CDH1: variants seen among roughly 807,000 people sequenced by gnomAD.
The protein encoded by CDH1 is cadherin 1.
CDH1 carries 35 observed loss-of-function variants against 84.5 expected under a neutral mutation model. That is an observed-to-expected ratio of 0.41 (90% CI 0.32 to 0.55). The LOEUF (loss-of-function observed/expected upper bound fraction) is 0.55. CDH1 is among the 20% of genes least tolerant of loss of function. The pLI, the probability that CDH1 is intolerant of heterozygous loss-of-function variation, is 0.19. For missense variants in CDH1, 994 were observed against 1,126.6 expected, an observed-to-expected ratio of 0.88 and a Z score of 1.68; for synonymous variants, 417 against 439.0, an observed-to-expected ratio of 0.95 and a Z score of 0.63.
chr16:68,817,049 G>T (rs540004626), intron 10 of CDH1, among the ~76,000 whole-genome samples: 1 of 152,278 alleles, frequency 6.6e-6, no homozygotes, highest in Non-Finnish European at 1.5e-5. Context: ...AGGCCCTTAC[G>T]CCTGGAACAA....
At chr16:68,766,742 T>C (rs1367613520) in intron 2 of CDH1, among the ~76,000 whole-genome samples, 1 of 151,508 alleles carries the variant, frequency 6.6e-6, no homozygotes, top group Admixed American at 6.6e-5. Flanking sequence ...AACCCCCTTT[T>C]TTTTTGAGAC....
chr16:68,829,060 C>T (rs1165467186), intron 14 of CDH1, among the ~76,000 whole-genome samples: 2 of 152,186 alleles, frequency 1.3e-5, no homozygotes, highest in African/African-American at 2.4e-5. Flanking sequence ...CGGCACACAA[C>T]ATGCGTATCT....
Position 68,738,326 on chromosome 16 carries a change from G to T in CDH1, c.78G>T (p.Glu26Asp). The T allele has an allele frequency of 6.4e-7, 1 of 1,550,778 alleles. No homozygotes were observed. The highest frequency in any genetic ancestry group is 1.2e-5 in the South Asian group (1 of 84,012). ...CCTCTTGGCTCTGCCAGGAGCCGGA[G>T]CCCTGCCACCCTGGCTTTGACGCCG... ...QVSSWLCQEP[E>D]PCHPGFDAES... Residue 26 changes from glutamate to aspartate, a missense_variant, in exon 2 of 16, where the codon GAG becomes GAT. Transcript: ENST00000261769.
In CDH1 at chr16:68,834,930, G is replaced by T; in HGVS notation, c.*1431G>T. On this transcript the variant is annotated 3_prime_UTR_variant, in exon 16 of 16. Coordinates refer to ENST00000261769, the MANE Select transcript of CDH1 (RefSeq NM_004360.5). ...CTGATGCTGAGGATGATTGAGGTGG[G>T]TCTACCTCATCTCTGAAAATTCTGG... The T allele has an allele frequency of 4.3e-6, 1 of 232,418 alleles. No individual in the cohort carries two copies. The highest frequency in any genetic ancestry group is 8.5e-6 in the Non-Finnish European group (1 of 117,234). 14.4% of individuals were successfully genotyped at this position (232,418 alleles called of 1,614,324 possible). A position where few individuals can be genotyped will look rare whatever the true frequency, so the allele number is the denominator to read the frequency against.
chr16:68,753,227 A>AT (rs1555511081), intron 2 of CDH1, among the ~76,000 whole-genome samples: 2 of 151,576 alleles, frequency 1.3e-5, no homozygotes, highest in Admixed American at 1.3e-4. Flanking sequence ...AAAAAAAAAA[A>AT]AAAAAGCAAG....
At chr16:68,809,043 G>A (rs868814008) in intron 5 of CDH1, 195 bp downstream of exon 5, 3 of 605,660 alleles carry the variant, frequency 5.0e-6, no homozygotes, top group Admixed American at 2.8e-5. Context: ...CTCCTTGTCA[G>A]GAAGAAAGGA....
rs1555517136 is a variant in CDH1, at chr16:68,823,561, CT to C, written c.2100del (p.Val701SerfsTer21). 1.9e-6 allele frequency: 3 copies of C among 1,613,974 alleles called. No homozygotes were observed. Among genetic ancestry groups the C allele is most frequent in the Non-Finnish European group, 2.5e-6 (3 of 1,180,018 alleles). On this transcript the variant is annotated frameshift_variant, in exon 13 of 16. Coordinates refer to ENST00000261769, the MANE Select transcript of CDH1 (RefSeq NM_004360.5). LOFTEE classifies it high-confidence loss of function. ...GCTGGCGTCTGTAGGAAGGCACAGC[CT>C]GTCGAAGCAGGATTGCAAATTCCTG... ...GAAGVCRKAQ[P>X]VEAGLQIPAI...
intron 2 of CDH1, among the ~76,000 whole-genome samples, chr16:68,747,563 G>C (rs1187762195): frequency 6.6e-6 from 1 of 152,088 alleles, no homozygotes; most frequent in Non-Finnish European, 1.5e-5. Flanking sequence ...GTTCTTCCCT[G>C]GGGCACAGGG....
At chr16:68,786,520 C>CTTTTTTTTGTTTTT (rs1960049389) in intron 2 of CDH1, among the ~76,000 whole-genome samples, 1 of 77,534 alleles carries the variant, frequency 1.3e-5, no homozygotes, top group African/African-American at 5.0e-5. Context: ...TTTCTGCTTT[C>CTTTTTTTTGTTTTT]TTTTTTTTTT....
intron 7 of CDH1, 44 bp downstream of exon 7, chr16:68,811,903 TA>T: frequency 1.2e-6 from 2 of 1,602,806 alleles, no homozygotes; most frequent in Non-Finnish European, 1.7e-6. Context: ...GACAAATGTG[TA>T]TTAGCTCAAT....
intron 2 of CDH1, among the ~76,000 whole-genome samples, chr16:68,752,486 G>A (rs755136152): frequency 1.3e-5 from 2 of 152,170 alleles, no homozygotes; most frequent in Non-Finnish European, 2.9e-5. Flanking sequence ...ACATAATAAG[G>A]GCTCAGTAAG....
chr16:68,762,244 C>T (rs1038824473), intron 2 of CDH1, among the ~76,000 whole-genome samples: 1 of 152,182 alleles, frequency 6.6e-6, no homozygotes, highest in African/African-American at 2.4e-5. Flanking sequence ...GTTGTTGCTA[C>T]CTCTAGGAAG....
intron 2 of CDH1, among the ~76,000 whole-genome samples, chr16:68,765,856 A>G (rs1959364525): frequency 6.6e-6 from 1 of 152,140 alleles, no homozygotes. Context: ...CCTATGTGTC[A>G]AATAATCGAA....
intron 2 of CDH1, among the ~76,000 whole-genome samples, chr16:68,782,408 A>G (rs1283764427): frequency 6.6e-6 from 1 of 152,220 alleles, no homozygotes; most frequent in African/African-American, 2.4e-5. Flanking sequence ...CTTACCACAT[A>G]CAAACTCTTC....
intron 2 of CDH1, among the ~76,000 whole-genome samples, chr16:68,800,487 G>T (rs530984037): frequency 2.0e-5 from 3 of 152,228 alleles, no homozygotes; most frequent in African/African-American, 7.2e-5. Context: ...CTGCCTAGGC[G>T]TCAGGGATGG....
rs9282652 is a variant in CDH1 at position 68,833,506 on chromosome 16, C to G, written c.*7C>G. ...AGGCGGCGAGGACGACTAGGGGACT[C>G]GAGAGAGGCGGGCCCCAGACCCATG... On this transcript the variant is annotated 3_prime_UTR_variant, in exon 16 of 16. Coordinates refer to ENST00000261769, the MANE Select transcript of CDH1 (RefSeq NM_004360.5). The G allele has an allele frequency of 1.2e-6, 2 of 1,610,758 alleles. No individual in the cohort carries two copies. The highest frequency in any genetic ancestry group is 1.3e-5 in the African/African-American group (1 of 74,782).
Position 68,831,023 on chromosome 16 carries a change from G to T in CDH1, c.2439+1226G>T, listed in dbSNP as rs1596974012. Among the ~76,000 whole-genome samples the T allele has an allele frequency of 2.0e-5, 3 of 151,146 alleles. No homozygotes were observed. The South Asian group carries it at 6.3e-4, about 32-fold the overall frequency. On this transcript the variant is annotated intron_variant, in intron 15 of 15. Transcript: ENST00000261769. ...TCTGGGCTTGTCTGATGGTCCAGTGGCCCTCGGTGAGTCTTCATGGTGAGG... is the reference window on the plus strand; with the variant it reads ...TCTGGGCTTGTCTGATGGTCCAGTGTCCCTCGGTGAGTCTTCATGGTGAGG...
intron 3 of CDH1, 139 bp downstream of exon 3, chr16:68,802,032 T>C: frequency 1.3e-6 from 1 of 754,536 alleles, no homozygotes; most frequent in Non-Finnish European, 2.3e-6. Context: ...GTGTAGGATG[T>C]TTAGCAAGCA....
rs114130128 is a variant in CDH1, at chr16:68,803,891, G to A, written c.387+1998G>A. Among the ~76,000 whole-genome samples, 755 of 152,146 alleles carry A rather than the reference G, an allele frequency of 5.0e-3. 7 individuals carry two copies. The highest frequency in any genetic ancestry group is 0.017 in the African/African-American group (695 of 41,498). ...TAAGCTGTGCCCAGTATGGAGACTT[G>A]ATAGTCATCAAGAGCCCAGGTTCCC... On this transcript the variant is annotated intron_variant, in intron 3 of 15. Coordinates refer to ENST00000261769, the MANE Select transcript of CDH1 (RefSeq NM_004360.5).
Sources: allele counts gnomAD v4.1 joint callset (sites outside exome capture counted in the v4.1 genomes callset), GRCh38; gene constraint gnomAD v4.1.1; transcripts MANE v1.5; gene names NCBI Gene and HGNC (gene_info 2026-07-23, HGNC 2026-07-21).